Variants in SEZ6L observed in about 807,000 individuals in gnomAD.
SEZ6L encodes seizure related 6 homolog like, also known as seizure 6-like protein.
A neutral mutation model predicts 106.2 loss-of-function variants in SEZ6L; 37 were observed. The observed-to-expected ratio is 0.35, with a 90% CI of 0.27 to 0.46. The LOEUF is 0.46. SEZ6L is among the 20% of genes least tolerant of loss of function. The pLI is 1.00. For synonymous variants in SEZ6L, 541 were observed against 570.4 expected (o/e 0.95, Z 0.73); for missense variants, 1,172 against 1,332.8 (o/e 0.88, Z 1.88).
intron 1 of SEZ6L, among the ~76,000 whole-genome samples, chr22:26,219,321 C>G (rs116982192): frequency 0.017 from 2,459 of 147,478 alleles, 48 homozygotes; most frequent in Middle Eastern, 0.028. Flanking sequence ...AACAACCCCA[C>G]AATGACAAAA....
At chr22:26,312,410 T>A (rs1161714543) in intron 8 of SEZ6L, among the ~76,000 whole-genome samples, 1 of 152,210 alleles carries the variant, frequency 6.6e-6, no homozygotes. Flanking sequence ...TAAAGTAGAT[T>A]GTATCGGCCC....
chr22:26,362,565 C>T (rs964355029), intron 12 of SEZ6L, among the ~76,000 whole-genome samples: 2 of 152,228 alleles, frequency 1.3e-5, no homozygotes, highest in Admixed American at 1.3e-4. Context: ...TTAGAGCATG[C>T]AGACCATGAG....
At chr22:26,239,261 A>C (rs1417826463) in intron 1 of SEZ6L, among the ~76,000 whole-genome samples, 5 of 152,146 alleles carry the variant, frequency 3.3e-5, no homozygotes, top group Non-Finnish European at 7.4e-5. Flanking sequence ...GCTGGGGGGC[A>C]GGGTGGAGTG....
chr22:26,305,384 C>G (rs1027016093), intron 5 of SEZ6L, among the ~76,000 whole-genome samples: 3 of 152,324 alleles, frequency 2.0e-5, no homozygotes, highest in Admixed American at 2.0e-4. Context: ...CTAAATTGCC[C>G]TCCCGAAAGG....
intron 11 of SEZ6L, 27 bp from the exon 12 acceptor site, chr22:26,351,025 C>T (rs1291176784): frequency 6.3e-7 from 1 of 1,595,030 alleles, no homozygotes; most frequent in Non-Finnish European, 8.6e-7. Flanking sequence ...GTCTGACGTC[C>T]TCTTGGTCTG....
chr22:26,220,988 A>G (rs1448434260), intron 1 of SEZ6L, among the ~76,000 whole-genome samples: 1 of 151,754 alleles, frequency 6.6e-6, no homozygotes, highest in African/African-American at 2.4e-5. Context: ...GGAAGGTGGG[A>G]GGGAAGGAAG....
chr22:26,221,399 A>G (rs1230861820), intron 1 of SEZ6L, among the ~76,000 whole-genome samples: 2 of 152,154 alleles, frequency 1.3e-5, no homozygotes, highest in African/African-American at 2.4e-5. Flanking sequence ...ACAGGCCTAT[A>G]GGAGGAAAAC....
chr22:26,257,418 C>T (rs913957543), intron 1 of SEZ6L, among the ~76,000 whole-genome samples: 1 of 152,176 alleles, frequency 6.6e-6, no homozygotes, highest in Non-Finnish European at 1.5e-5. Context: ...TATTTTCTAG[C>T]ATCTCACAAC....
In SEZ6L at chr22:26,383,543, T is replaced by C. The variant is rs1464115604; in HGVS notation, c.*3248T>C. ...AACTTTCTAAGCTAGAATAATGAAA[T>C]TAAGTCATTTTCCACTTTGTATATA... is the stretch of plus-strand genomic sequence containing the variant. On this transcript the variant is annotated 3_prime_UTR_variant, in exon 17 of 17. Coordinates refer to ENST00000248933, the MANE Select transcript of SEZ6L (RefSeq NM_021115.5). 2.0e-5 allele frequency: 3 copies of C among 152,174 alleles called. No homozygotes were observed. The highest frequency in any genetic ancestry group is 4.4e-5 in the Non-Finnish European group (3 of 68,024). 9.4% of individuals were successfully genotyped at this position (152,174 alleles called of 1,614,324 possible). A position where few individuals can be genotyped will look rare whatever the true frequency, so the allele number is the denominator to read the frequency against.
chr22:26,244,411 A>G (rs1214770988), intron 1 of SEZ6L: 2 of 152,284 alleles, frequency 1.3e-5, no homozygotes, highest in African/African-American at 4.8e-5. Context: ...CACAGGAATG[A>G]GGAATGCAGA....
chr22:26,355,190 C>T (rs535307628), intron 12 of SEZ6L, among the ~76,000 whole-genome samples: 3 of 152,342 alleles, frequency 2.0e-5, no homozygotes, highest in South Asian at 2.1e-4. Flanking sequence ...TTCACCCTCA[C>T]GGAAATCGCA....
intron 11 of SEZ6L, 92 bp from the exon 12 acceptor site, chr22:26,350,960 T>C: frequency 2.2e-6 from 3 of 1,387,478 alleles, no homozygotes; most frequent in Non-Finnish European, 2.9e-6. Context: ...CCGGCCAAGT[T>C]AGGAAACTTT....
chr22:26,305,593 C>A (rs767097615), intron 5 of SEZ6L, among the ~76,000 whole-genome samples: 17 of 152,206 alleles, frequency 1.1e-4, no homozygotes, highest in Non-Finnish European at 2.2e-4. Flanking sequence ...TATATTTCTT[C>A]TTTTGTGAAC....
intron 1 of SEZ6L, among the ~76,000 whole-genome samples, chr22:26,204,229 ATGGTC>A (rs1252866081): frequency 6.6e-6 from 1 of 152,224 alleles, no homozygotes; most frequent in African/African-American, 2.4e-5. Context: ...CAATACAGAC[ATGGTC>A]CCTCTTGGGA....
At chr22:26,342,692 C>G (rs2082876490) in intron 10 of SEZ6L, among the ~76,000 whole-genome samples, 1 of 143,060 alleles carries the variant, frequency 7.0e-6, no homozygotes, top group South Asian at 2.3e-4. Flanking sequence ...GAGACTCCGT[C>G]TCAAAGAAAA....
At chr22:26,227,806 G>C (rs941212184) in intron 1 of SEZ6L, among the ~76,000 whole-genome samples, 4 of 152,156 alleles carry the variant, frequency 2.6e-5, no homozygotes, top group Non-Finnish European at 5.9e-5. Flanking sequence ...ACTATGATAG[G>C]CACTTGGGGT....
Position 26,351,236 on chromosome 22 carries a change from C to G in SEZ6L, c.2592C>G (p.His864Gln). 5 of 1,613,794 alleles carry G rather than the reference C, an allele frequency of 3.1e-6. No individual in the cohort carries two copies. The highest frequency in any genetic ancestry group is 2.2e-5 in the East Asian group (1 of 44,856). The change falls in exon 12 of 17, where the codon CAC (histidine) becomes CAG (glutamine). Residue 864 changes from histidine to glutamine, a missense_variant. Physicochemically the swap from His to Gln is conservative, Grantham distance 24. This residue lies in a region of SEZ6L where 534 missense variants were observed against 691.0 expected (regional missense o/e 0.77). Coordinates refer to ENST00000248933, the MANE Select transcript of SEZ6L (RefSeq NM_021115.5). ...CCATCTGGACGTCTCGCCTGCCCCA[C>G]TGCGTTTGTGAGTCCTGTTTAATGA... Reference protein sequence around the residue: ...GTPIWTSRLPHCVSEESLACD... With the variant: ...GTPIWTSRLPQCVSEESLACD...
Position 26,176,525 on chromosome 22 carries a change from T to C in SEZ6L, c.94+6762T>C, listed in dbSNP as rs1459169639. On this transcript the variant is annotated intron_variant, in intron 1 of 16. Coordinates refer to ENST00000248933, the MANE Select transcript of SEZ6L (RefSeq NM_021115.5). ...ATTCTCATCTTACTCATGCTATTCC[T>C]GCAGCCTGGACTGTCATCCTAGAGG... is the stretch of plus-strand genomic sequence containing the variant. Among the ~76,000 whole-genome samples, 33 of 152,224 alleles carry C rather than the reference T, an allele frequency of 2.2e-4. 1 individual carries two copies. The highest frequency in any genetic ancestry group is 2.2e-3 in the Admixed American group (33 of 15,286).
Position 26,299,158 on chromosome 22 carries a change from C to A in SEZ6L, c.1337C>A (p.Pro446His). 1 of 1,543,300 alleles carries A rather than the reference C, an allele frequency of 6.5e-7. No homozygotes were observed. The highest frequency in any genetic ancestry group is 8.8e-7 in the Non-Finnish European group (1 of 1,141,736). Reference sequence around the variant, plus strand: ...AAGCCGCACTGGAGCAGCCAGGAGCCCATCTGCTCAGGTATGCTCCAGCCT... The same window carrying A: ...AAGCCGCACTGGAGCAGCCAGGAGCACATCTGCTCAGGTATGCTCCAGCCT... ...ASKPHWSSQEPICSAPCGGAV... is the reference protein window; with the variant it reads ...ASKPHWSSQEHICSAPCGGAV... Residue 446 changes from proline to histidine, a missense_variant, in exon 5 of 17, where the codon CCC becomes CAC. By Grantham distance (77) the Pro-to-His change is moderately conservative. Around this residue, in one of 4 missense-constraint regions of SEZ6L, gnomAD observed 534 missense variants for 691.0 expected, o/e 0.77. Transcript: ENST00000248933.
Sources: allele counts gnomAD v4.1 joint callset (sites outside exome capture counted in the v4.1 genomes callset), GRCh38; gene constraint gnomAD v4.1.1; regional missense constraint gnomAD v4.1.1; transcripts MANE v1.5; gene names NCBI Gene and HGNC (gene_info 2026-07-23, HGNC 2026-07-21).